The following NRL variants were observed in gnomAD, a reference collection of about 807,000 sequenced individuals.
The protein encoded by NRL is neural retina leucine zipper, also known as neural retina-specific leucine zipper protein.
NRL carries 16 observed loss-of-function variants against 12.5 expected under a neutral mutation model. That is an observed-to-expected ratio of 1.28 (90% CI 0.87 to 1.95). The LOEUF (loss-of-function observed/expected upper bound fraction) is 1.95. NRL is among the 30% of genes most tolerant of loss of function. The pLI is 0.00. For missense variants in NRL, 314 were observed against 325.8 expected (o/e 0.96, Z 0.28); for synonymous variants, 142 against 150.9 (o/e 0.94, Z 0.43).
At chr14:24,101,851 G>A (rs148642074) in intron 1 of NRL, among the ~76,000 whole-genome samples, 11 of 152,076 alleles carry the variant, frequency 7.2e-5, no homozygotes, top group South Asian at 2.1e-4. Context: ...GGAGGCAGAG[G>A]TTGCAGTGAG....
At chr14:24,100,089 G>GT in intron 1 of NRL, 2 of 1,612,708 alleles carry the variant, frequency 1.2e-6, no homozygotes, top group Non-Finnish European at 1.7e-6. Flanking sequence ...CTACAATCCA[G>GT]AGTAACACTA....
At chr14:24,084,196 G>C (rs2036408225) in intron 1 of NRL, among the ~76,000 whole-genome samples, 1 of 152,206 alleles carries the variant, frequency 6.6e-6, no homozygotes, top group Non-Finnish European at 1.5e-5. Flanking sequence ...CAGGGTTGCT[G>C]CCCTCTCTAT....
chr14:24,082,518 G>A lies in NRL; in HGVS notation c.331C>T (p.His111Tyr). 6.2e-7 allele frequency: 1 copy of A among 1,613,318 alleles called. No homozygotes were observed. Among genetic ancestry groups the A allele is most frequent in the South Asian group, 1.1e-5 (1 of 91,080 alleles). Reference protein sequence around the residue: ...GQGPVPVDGPHGYYPGSPEET... With the variant: ...GQGPVPVDGPYGYYPGSPEET... The stretch of plus-strand genomic sequence containing the variant: ...TCTGGGCTCCCTGGGTAGTAGCCAT[G>A]GGGCCCATCAACAGGGACTGGGCCC... Residue 111 changes from histidine to tyrosine, a missense_variant, in exon 2 of 3, where the codon CAT (histidine) becomes TAT (tyrosine). Coordinates refer to ENST00000561028, the MANE Select transcript of NRL (RefSeq NM_001354768.3).
intron 1 of NRL, among the ~76,000 whole-genome samples, chr14:24,088,206 A>G: frequency 6.6e-6 from 1 of 152,214 alleles, no homozygotes; most frequent in South Asian, 2.1e-4. Context: ...CACTCCAGAT[A>G]GCTAAGCATT....
At chr14:24,113,723 C>T (rs1355797588) in intron 1 of NRL, among the ~76,000 whole-genome samples, 1 of 152,242 alleles carries the variant, frequency 6.6e-6, no homozygotes, top group Non-Finnish European at 1.5e-5. Context: ...CTCAGGTCTC[C>T]GGATCTAGAG....
rs79873985 is a variant in NRL, at chr14:24,090,950, A to G, written c.-27-8075T>C. On this transcript the variant is annotated intron_variant, in intron 1 of 2. Transcript: ENST00000561028. ...ATTAAGTGCCTGTTATAGGCCAGGT[A>G]CTGCTGGGAACTAGGAGAAAAACAA... 7.7e-3 allele frequency among the ~76,000 whole-genome samples: 1,173 copies of G among 152,334 alleles called. 8 individuals carry two copies. Among genetic ancestry groups the G allele is most frequent in the Non-Finnish European group, 0.014 (957 of 68,022 alleles).
In NRL at chr14:24,100,214, G is replaced by T. The variant is rs138881435; in HGVS notation, c.-28+14508C>A. On this transcript the variant is annotated intron_variant, in intron 1 of 2. Coordinates refer to ENST00000561028, the MANE Select transcript of NRL (RefSeq NM_001354768.3). ...TGGCTGGGCAAACCCTGGAAACCTG[G>T]TATGTGCGGTGGGGAAGGTGTGGCA... 1.9e-3 allele frequency: 3,011 copies of T among 1,614,136 alleles called. 10 individuals are homozygous for T. The highest frequency in any genetic ancestry group is 2.2e-3 in the Non-Finnish European group (2,653 of 1,179,984).
Position 24,082,561 on chromosome 14 carries a change from C to T in NRL, c.288G>A (p.Met96Ile), listed in dbSNP as rs200155900. ...CTGGGCCCTGACCCTGCAGCAGCTC[C>T]ATGGCCTCTTCAGGACTCAGCCCCA... ...EALGLSPEEA[M>I]ELLQGQGPVP... Residue 96 changes from methionine to isoleucine, a missense_variant, in exon 2 of 3, where the codon ATG becomes ATA. By Grantham distance (10) the Met-to-Ile change is conservative (BLOSUM62 1). Coordinates refer to ENST00000561028, the MANE Select transcript of NRL (RefSeq NM_001354768.3). 30 of 1,613,648 alleles carry T rather than the reference C, an allele frequency of 1.9e-5. No homozygotes were observed. Among genetic ancestry groups the T allele is most frequent in the Non-Finnish European group, 2.3e-5 (27 of 1,180,026 alleles).
Position 24,081,167 on chromosome 14 carries a change from C to A in NRL, c.*69G>T. 1.8e-6 allele frequency: 2 copies of A among 1,139,928 alleles called. No individual in the cohort carries two copies. The highest frequency in any genetic ancestry group is 2.3e-6 in the Non-Finnish European group (2 of 867,460). 70.6% of individuals were successfully genotyped at this position (1,139,928 alleles called of 1,614,324 possible). A position where few individuals can be genotyped will look rare whatever the true frequency, so the allele number is the denominator to read the frequency against. The stretch of plus-strand genomic sequence containing the variant: ...GCGCTCTGGTAACGATGCAGAGAAC[C>A]GTGCAGCCGCCTCCTGGGCGGAGCC... On this transcript the variant is annotated 3_prime_UTR_variant, in exon 3 of 3. Coordinates refer to ENST00000561028, the MANE Select transcript of NRL (RefSeq NM_001354768.3). This position sits in a 1 kb window ranked among gnomAD's most constrained non-coding sequence, Gnocchi z 4.4.
chr14:24,082,319 T>A, intron 2 of NRL, 149 bp downstream of exon 2: 1 of 997,110 alleles, frequency 1.0e-6, no homozygotes, highest in Non-Finnish European at 1.5e-6. Flanking sequence ...GTTTTCTCGA[T>A]CTGATTGCTT....
Position 24,078,981 on chromosome 14 carries a change from T to G in NRL, c.*2255A>C, listed in dbSNP as rs2036198706. Among the ~76,000 whole-genome samples, 1 of 152,194 alleles carries G rather than the reference T, an allele frequency of 6.6e-6. No homozygotes were observed. Among genetic ancestry groups the G allele is most frequent in the African/African-American group, 2.4e-5 (1 of 41,434 alleles). On this transcript the variant is annotated 3_prime_UTR_variant, in exon 3 of 3. Coordinates refer to ENST00000561028, the MANE Select transcript of NRL (RefSeq NM_001354768.3). The stretch of plus-strand genomic sequence containing the variant: ...ACATCTGAATTTATTTTATTTTATT[T>G]TTTTGTAGTGACAGGGTTCTCGCTA...
In NRL at chr14:24,094,601, T is replaced by G; in HGVS notation, c.-27-11726A>C. 6.8e-7 allele frequency: 1 copy of G among 1,461,896 alleles called. No homozygotes were observed. The highest frequency in any genetic ancestry group is 9.0e-7 in the Non-Finnish European group (1 of 1,108,812). The allele number at this position is 1,461,896 out of a possible 1,614,324, so 90.6% of individuals were successfully genotyped here. ...CCAGCCTCCCGCGCCGCGCGTCTCT[T>G]GGGAGGGCAGCCGGCCGGTGCTCCT... On this transcript the variant is annotated intron_variant, in intron 1 of 2. Coordinates refer to ENST00000561028, the MANE Select transcript of NRL (RefSeq NM_001354768.3). The surrounding 1 kb of genome is among the most constrained non-coding windows in gnomAD (Gnocchi z 4.1).
rs566137871 is a variant in NRL, at chr14:24,094,473, G to A, written c.-27-11598C>T. On this transcript the variant is annotated intron_variant, in intron 1 of 2. Transcript: ENST00000561028. The surrounding 1 kb of genome is among the most constrained non-coding windows in gnomAD (Gnocchi z 4.1). ...GGCCCGGGGCCCACCCGCACCTTCCGCTGCGCTCGCCCCCTCGGGGCTGCC... is the reference window on the plus strand; with the variant it reads ...GGCCCGGGGCCCACCCGCACCTTCCACTGCGCTCGCCCCCTCGGGGCTGCC... 2.7e-6 allele frequency: 4 copies of A among 1,499,728 alleles called. No homozygotes were observed. The highest frequency in any genetic ancestry group is 1.4e-5 in the African/African-American group (1 of 70,186). 92.9% of individuals were successfully genotyped at this position (1,499,728 alleles called of 1,614,324 possible).
At chr14:24,088,947 C>T (rs867023655) in intron 1 of NRL, among the ~76,000 whole-genome samples, 1 of 150,408 alleles carries the variant, frequency 6.6e-6, no homozygotes. Flanking sequence ...ACTACAGGCA[C>T]CCGCCACCAT....
At position 24,090,893 on chromosome 14, in the gene NRL, C is replaced by T. The variant is rs531980997; in HGVS notation, c.-27-8018G>A. Among the ~76,000 whole-genome samples the T allele has an allele frequency of 2.0e-5, 3 of 152,308 alleles. No homozygotes were observed. In the East Asian group the frequency reaches 5.8e-4, roughly 29 times the overall value. On this transcript the variant is annotated intron_variant, in intron 1 of 2. Coordinates refer to ENST00000561028, the MANE Select transcript of NRL (RefSeq NM_001354768.3). ...GGGGAAGAAGAATTCAGAAACGTGGCACTCATTCATTCTTTTATTCAACCA... is the reference window on the plus strand; with the variant it reads ...GGGGAAGAAGAATTCAGAAACGTGGTACTCATTCATTCTTTTATTCAACCA...
At chr14:24,096,228 CTTTTTTTTT>C (rs34592767) in intron 1 of NRL, among the ~76,000 whole-genome samples, 24 of 58,850 alleles carry the variant, frequency 4.1e-4, no homozygotes, top group African/African-American at 1.2e-3. Flanking sequence ...CTACTCATTT[CTTTTTTTTT>C]TTTTTTTTTT....
intron 1 of NRL, among the ~76,000 whole-genome samples, chr14:24,088,652 CT>C (rs549787856): frequency 0.011 from 1,493 of 137,580 alleles, 3 homozygotes; most frequent in East Asian, 0.017. Flanking sequence ...CTGAATTATA[CT>C]TTTTTTTTTT....
Position 24,081,759 on chromosome 14 carries a change from C to T in NRL, c.382-191G>A. Reference sequence around the variant, plus strand: ...CAGGCCCCGACGCTCCCCGGGCCCCCCAGCTGACCGTTGCTCCAGTCAGGC... The same window carrying T: ...CAGGCCCCGACGCTCCCCGGGCCCCTCAGCTGACCGTTGCTCCAGTCAGGC... On this transcript the variant is annotated intron_variant, in intron 2 of 2. Transcript: ENST00000561028. This position sits in a 1 kb window ranked among gnomAD's most constrained non-coding sequence, Gnocchi z 4.4. 6.6e-7 allele frequency: 1 copy of T among 1,521,054 alleles called. No individual in the cohort carries two copies. Among genetic ancestry groups the T allele is most frequent in the Non-Finnish European group, 8.8e-7 (1 of 1,140,012 alleles). The allele number at this position is 1,521,054 out of a possible 1,614,324, so 94.2% of individuals were successfully genotyped here. A position where few individuals can be genotyped will look rare whatever the true frequency, so the allele number is the denominator to read the frequency against.
intron 1 of NRL, chr14:24,099,650 G>A (rs749278970): frequency 6.2e-7 from 1 of 1,614,000 alleles, no homozygotes; most frequent in Non-Finnish European, 8.5e-7. Flanking sequence ...CTATGATGCG[G>A]CCTGCACTGC....
Sources: allele counts gnomAD v4.1 joint callset (sites outside exome capture counted in the v4.1 genomes callset), GRCh38; gene constraint gnomAD v4.1.1; non-coding constraint Gnocchi (gnomAD v3.1); transcripts MANE v1.5; gene names NCBI Gene and HGNC (gene_info 2026-07-23, HGNC 2026-07-21).